KCNIP4: variants seen among roughly 807,000 people sequenced by gnomAD.
KCNIP4 encodes the protein potassium voltage-gated channel interacting protein 4, also known as Kv channel-interacting protein 4.
In KCNIP4, 12 loss-of-function variants were observed where a neutral mutation model predicts 34.0. The ratio of observed to expected loss-of-function variants is 0.35; its 90% CI spans 0.23 to 0.57. The LOEUF is 0.57. Ranked by LOEUF, KCNIP4 falls within the 20% of genes least tolerant of loss-of-function variation. The pLI, the probability that KCNIP4 is intolerant of heterozygous loss-of-function variation, is 0.83. For synonymous variants in KCNIP4, 124 were observed against 102.2 expected (o/e 1.21, Z -1.29); for missense variants, 238 against 311.7 (o/e 0.76, Z 1.78).
intron 1 of KCNIP4, among the ~76,000 whole-genome samples, chr4:21,713,062 C>T (rs1713870696): frequency 6.6e-6 from 1 of 152,184 alleles, no homozygotes; most frequent in African/African-American, 2.4e-5. Context: ...AGCTCTTTCA[C>T]TTATTGCTCA....
At chr4:20,908,306 G>A (rs567841153) in intron 1 of KCNIP4, among the ~76,000 whole-genome samples, 10 of 152,052 alleles carry the variant, frequency 6.6e-5, no homozygotes, top group Admixed American at 4.6e-4. Flanking sequence ...CAACATGTTG[G>A]TCAGGCTGGT....
Position 21,759,811 on chromosome 4 carries a change from T to C in KCNIP4, c.61+188760A>G, listed in dbSNP as rs74457873. ...CTTGCCACCTGTCCTTGTAAACTGC[T>C]ATTAAATTCCTGTCTAAACATGGCT... On this transcript the variant is annotated intron_variant, in intron 1 of 8. Transcript: ENST00000382152. Among the ~76,000 whole-genome samples the C allele has an allele frequency of 8.4e-3, 1,278 of 152,168 alleles. 46 individuals carry two copies. In the East Asian group the frequency reaches 0.13, roughly 15 times the overall value.
chr4:21,175,721 A>G (rs1006069277), intron 1 of KCNIP4, among the ~76,000 whole-genome samples: 6 of 152,216 alleles, frequency 3.9e-5, no homozygotes, highest in African/African-American at 1.4e-4. Context: ...TCATGTCCCA[A>G]GCAGGAAAGA....
intron 4 of KCNIP4, chr4:20,752,892 A>G (rs1753892190): frequency 6.6e-6 from 1 of 152,208 alleles, no homozygotes; most frequent in African/African-American, 2.4e-5. Context: ...ATATTTGTTA[A>G]AAGAGTGATT....
intron 1 of KCNIP4, among the ~76,000 whole-genome samples, chr4:21,595,531 A>G (rs6824702): frequency 0.066 from 10,014 of 152,042 alleles, 478 homozygotes; most frequent in African/African-American, 0.13. Context: ...TGGGTCAAAT[A>G]GTATTTCTGG....
chr4:21,895,688 G>T (rs1414450158), intron 1 of KCNIP4, among the ~76,000 whole-genome samples: 2 of 152,146 alleles, frequency 1.3e-5, no homozygotes, highest in African/African-American at 4.8e-5. Flanking sequence ...TCTATAGTCT[G>T]GATAGCGAGA....
intron 1 of KCNIP4, among the ~76,000 whole-genome samples, chr4:21,396,671 G>A (rs188652148): frequency 2.5e-4 from 38 of 151,946 alleles, no homozygotes; most frequent in Admixed American, 1.7e-3. Context: ...CCTCTGGGTG[G>A]GCTCAAAGTT....
chr4:20,999,414 G>GTTTTTT lies in KCNIP4; in HGVS notation c.62-116711_62-116706dup, dbSNP rs5856594. On this transcript the variant is annotated intron_variant, in intron 1 of 8. Transcript: ENST00000382152. Reference sequence around the variant, plus strand: ...AAAAGAGGGTTTTTGTTGTGGTGGTGTTTTTTTTTTTTGTTTGTTTTTTGT... The same window carrying GTTTTTT: ...AAAAGAGGGTTTTTGTTGTGGTGGTGTTTTTTTTTTTTTTTTTTGTTTGTTTTTTGT... Among the ~76,000 whole-genome samples the GTTTTTT allele has an allele frequency of 1.4e-4, 13 of 95,346 alleles. 1 individual carries two copies. The highest frequency in any genetic ancestry group is 6.1e-4 in the African/African-American group (13 of 21,414). The allele number at this position is 95,346 out of a possible 152,430, so 62.6% of individuals were successfully genotyped here.
Position 21,255,485 on chromosome 4 carries a change from C to T in KCNIP4, c.62-372776G>A, listed in dbSNP as rs559275457. ...TCCATTTGTCAATGTTCAGTTCCTC[C>T]TCAACACCTGCTTCATCTGACATTT... is the stretch of plus-strand genomic sequence containing the variant. On this transcript the variant is annotated intron_variant, in intron 1 of 8. Transcript: ENST00000382152. Among the ~76,000 whole-genome samples the T allele has an allele frequency of 1.3e-3, 201 of 152,198 alleles. 1 individual carries two copies. The highest frequency in any genetic ancestry group is 4.6e-3 in the African/African-American group (191 of 41,520).
intron 1 of KCNIP4, among the ~76,000 whole-genome samples, chr4:21,075,780 G>A (rs538390658): frequency 6.6e-6 from 1 of 152,288 alleles, no homozygotes; most frequent in East Asian, 1.9e-4. Flanking sequence ...GCTGGTACAA[G>A]TTGTTCCTTT....
chr4:21,910,953 C>T (rs768168754), intron 1 of KCNIP4, among the ~76,000 whole-genome samples: 3 of 152,122 alleles, frequency 2.0e-5, no homozygotes, highest in Non-Finnish European at 4.4e-5. Context: ...TAGCTGAAAT[C>T]TGCTATTCAT....
chr4:21,622,871 T>C (rs2109181376), intron 1 of KCNIP4, among the ~76,000 whole-genome samples: 1 of 152,298 alleles, frequency 6.6e-6, no homozygotes, highest in African/African-American at 2.4e-5. Context: ...TCAATTTCTG[T>C]GACTTGTTTT....
chr4:21,472,353 G>C (rs184163640), intron 1 of KCNIP4, among the ~76,000 whole-genome samples: 1 of 152,148 alleles, frequency 6.6e-6, no homozygotes, highest in African/African-American at 2.4e-5. Context: ...CCTGAACCAT[G>C]AGAGAGAGGA....
At chr4:20,864,206 ACATGCATG>A (rs1722593317) in intron 2 of KCNIP4, among the ~76,000 whole-genome samples, 1 of 150,534 alleles carries the variant, frequency 6.6e-6, no homozygotes, top group Admixed American at 6.6e-5. Context: ...GTATGTACAC[ACATGCATG>A]TATATATGCA....
intron 1 of KCNIP4, among the ~76,000 whole-genome samples, chr4:21,489,406 TC>T (rs1314940726): frequency 6.6e-6 from 1 of 151,898 alleles, no homozygotes; most frequent in Non-Finnish European, 1.5e-5. Context: ...TGTTGAGTTC[TC>T]CAATGACTTT....
Position 21,197,018 on chromosome 4 carries a change from G to A in KCNIP4, c.62-314309C>T, listed in dbSNP as rs542131118. On this transcript the variant is annotated intron_variant, in intron 1 of 8. Transcript: ENST00000382152. ...ACCAAATTTTGAACTTAATGTAAAC[G>A]GAATCGTAAACAATATAGCTTTTTG... Among the ~76,000 whole-genome samples, 543 of 152,066 alleles carry A rather than the reference G, an allele frequency of 3.6e-3. 7 individuals are homozygous for A. The highest frequency in any genetic ancestry group is 2.9e-3 in the Non-Finnish European group (199 of 67,980).
chr4:21,689,384 A>C (rs1751074135), intron 1 of KCNIP4, among the ~76,000 whole-genome samples: 1 of 152,142 alleles, frequency 6.6e-6, no homozygotes, highest in South Asian at 2.1e-4. Context: ...CCAGCAACAG[A>C]AATAATTGTA....
At chr4:20,735,524 T>G (rs1024449873) in intron 5 of KCNIP4, among the ~76,000 whole-genome samples, 6 of 123,860 alleles carry the variant, frequency 4.8e-5, no homozygotes, top group African/African-American at 2.0e-4. Context: ...TAGTGTTTTT[T>G]TTTTTGTTTT....
chr4:20,963,754 A>G (rs867300694), intron 1 of KCNIP4, among the ~76,000 whole-genome samples: 8 of 152,296 alleles, frequency 5.3e-5, no homozygotes, highest in African/African-American at 9.6e-5. Context: ...GCAGGAGAGC[A>G]GGCTGGTGAT....
Sources: gnomAD v4.1 joint callset for allele counts (sites outside exome capture counted in the v4.1 genomes callset) on GRCh38, gnomAD v4.1.1 for gene constraint, MANE v1.5 for transcripts, NCBI Gene and HGNC (gene_info 2026-07-23, HGNC 2026-07-21) for gene names.